The following MARCHF5 variants were observed in gnomAD, a reference collection of about 807,000 sequenced individuals.
The protein encoded by MARCHF5 is E3 ubiquitin-protein ligase MARCHF5.
A neutral mutation model predicts 36.5 loss-of-function variants in MARCHF5; 5 were observed. The observed-to-expected ratio is 0.14, with a 90% CI of 0.07 to 0.29. MARCHF5 has a LOEUF of 0.29. MARCHF5 is among the 10% of genes least tolerant of loss of function. The pLI, the probability that MARCHF5 is intolerant of heterozygous loss-of-function variation, is 1.00. For missense variants in MARCHF5, 179 were observed against 336.3 expected (o/e 0.53, Z 3.66); for synonymous variants, 103 against 109.9 (o/e 0.94, Z 0.39).
At chr10:92,294,400 C>G (rs181314553) in intron 1 of MARCHF5, among the ~76,000 whole-genome samples, 11 of 152,290 alleles carry the variant, frequency 7.2e-5, no homozygotes, top group Admixed American at 5.2e-4. Flanking sequence ...GCACTTAAGA[C>G]TAATGTAAAC....
chr10:92,349,327 AT>A (rs747355836), intron 3 of MARCHF5, 21 bp from the exon 4 acceptor site: 1 of 1,542,230 alleles, frequency 6.5e-7, no homozygotes, highest in Non-Finnish European at 8.8e-7. Context: ...AGTAATTCTA[AT>A]ATATGCTATC....
chr10:92,305,690 A>G lies in MARCHF5; in HGVS notation c.36-5445A>G, dbSNP rs866044360. On this transcript the variant is annotated intron_variant, in intron 1 of 5. Coordinates refer to ENST00000358935, the MANE Select transcript of MARCHF5 (RefSeq NM_017824.5). The stretch of plus-strand genomic sequence containing the variant: ...AGAGGAAAAATAGATGTAAGGAGAA[A>G]CTCTTAGTTTGGTCAGAAATTACAA... Among the ~76,000 whole-genome samples the G allele has an allele frequency of 5.3e-5, 8 of 151,886 alleles. 1 individual carries two copies. Among genetic ancestry groups the G allele is most frequent in the African/African-American group, 1.9e-4 (8 of 41,324 alleles).
intron 2 of MARCHF5, among the ~76,000 whole-genome samples, chr10:92,325,316 C>T (rs904576072): frequency 6.6e-6 from 1 of 152,182 alleles, no homozygotes; most frequent in Admixed American, 6.5e-5. Context: ...GCACTCCAGC[C>T]TGGGCAACAG....
Position 92,351,202 on chromosome 10 carries a change from G to A in MARCHF5, c.832G>A (p.Ala278Thr), listed in dbSNP as rs111817593. 16 of 1,587,748 alleles carry A rather than the reference G, an allele frequency of 1.0e-5. No homozygotes were observed. The highest frequency in any genetic ancestry group is 1.0e-4 in the South Asian group (9 of 89,348). Residue 278 changes from alanine (A) to threonine (T), a missense_variant, in exon 6 of 6, where the codon GCA becomes ACA. Transcript: ENST00000358935. Reference protein sequence around the residue: ...KILNYPEQEEA With the variant: ...KILNYPEQEET Reference sequence around the variant, plus strand: ...TCTGAATTATCCAGAACAAGAAGAAGCATAAAACTGACTTCTGGTTGTTCT... The same window carrying A: ...TCTGAATTATCCAGAACAAGAAGAAACATAAAACTGACTTCTGGTTGTTCT...
At chr10:92,335,331 T>G (rs1020632215) in intron 2 of MARCHF5, among the ~76,000 whole-genome samples, 1 of 152,178 alleles carries the variant, frequency 6.6e-6, no homozygotes, top group Admixed American at 6.6e-5. Context: ...GAGTATGAAT[T>G]AGAGACTGTC....
intron 5 of MARCHF5, 200 bp downstream of exon 5, chr10:92,350,037 C>T (rs536410548): frequency 1.1e-4 from 60 of 544,038 alleles, no homozygotes; most frequent in South Asian, 5.6e-4. Context: ...CCTTTTGGAA[C>T]TATGTTGTAG....
At chr10:92,303,800 A>G (rs1368482892) in intron 1 of MARCHF5, among the ~76,000 whole-genome samples, 4 of 152,206 alleles carry the variant, frequency 2.6e-5, no homozygotes, top group Admixed American at 2.6e-4. Flanking sequence ...TACCCATACC[A>G]GTAAGACTAT....
chr10:92,331,846 C>CATATATAATCATATATATGTTTTT (rs1843438486), intron 2 of MARCHF5, among the ~76,000 whole-genome samples: 1 of 146,544 alleles, frequency 6.8e-6, no homozygotes, highest in African/African-American at 2.5e-5. Flanking sequence ...TATATATTTT[C>CATATATAATCATATATATGTTTTT]ATATATAATC....
chr10:92,348,922 C>A (rs1254563706), intron 3 of MARCHF5, among the ~76,000 whole-genome samples: 1 of 152,202 alleles, frequency 6.6e-6, no homozygotes, highest in Non-Finnish European at 1.5e-5. Context: ...GAAGGCCGGT[C>A]CTACCTCTTG....
chr10:92,349,643 A>C (rs1278121561), intron 4 of MARCHF5, 28 bp from the exon 5 acceptor site: 11 of 1,608,814 alleles, frequency 6.8e-6, no homozygotes, highest in Non-Finnish European at 9.3e-6. Context: ...ATTTATTAGC[A>C]CTAACGCACT....
chr10:92,307,789 C>T (rs1843093827), intron 1 of MARCHF5, among the ~76,000 whole-genome samples: 1 of 151,918 alleles, frequency 6.6e-6, no homozygotes, highest in Non-Finnish European at 1.5e-5. Context: ...GCATGAGAAT[C>T]GCTTGAACCG....
chr10:92,342,240 C>G (rs556441763), intron 3 of MARCHF5, among the ~76,000 whole-genome samples: 41 of 152,040 alleles, frequency 2.7e-4, no homozygotes, highest in Middle Eastern at 6.8e-3. Flanking sequence ...AGCCTTACTC[C>G]TGGGCTCAAA....
At chr10:92,348,181 G>A (rs1258847503) in intron 3 of MARCHF5, among the ~76,000 whole-genome samples, 25 of 100,420 alleles carry the variant, frequency 2.5e-4, no homozygotes, top group Admixed American at 1.9e-3. Flanking sequence ...AAAAAATTCC[G>A]TCTCAAAAAA....
At chr10:92,340,904 A>G (rs1843570570) in intron 3 of MARCHF5, 101 bp downstream of exon 3, 1 of 1,065,880 alleles carries the variant, frequency 9.4e-7, no homozygotes, top group African/African-American at 1.6e-5. Flanking sequence ...ATAAGAAATA[A>G]CATTCTCATG....
chr10:92,340,939 A>T, intron 3 of MARCHF5, 136 bp downstream of exon 3: 2 of 777,516 alleles, frequency 2.6e-6, no homozygotes, highest in Non-Finnish European at 3.8e-6. Context: ...TATTTCCCCT[A>T]CTTTTTCTTT....
chr10:92,349,247 A>G, intron 3 of MARCHF5, 102 bp from the exon 4 acceptor site: 3 of 844,388 alleles, frequency 3.6e-6, no homozygotes, highest in South Asian at 4.4e-5. Context: ...ATTTCTGTGT[A>G]TTCTTTTGAA....
chr10:92,320,686 C>T (rs556323745), intron 2 of MARCHF5, among the ~76,000 whole-genome samples: 57 of 151,896 alleles, frequency 3.8e-4, no homozygotes, highest in Non-Finnish European at 7.8e-4. Flanking sequence ...AAAAATTTTT[C>T]GCACAACTGT....
At chr10:92,348,185 C>CAA (rs58496139) in intron 3 of MARCHF5, among the ~76,000 whole-genome samples, 28 of 121,328 alleles carry the variant, frequency 2.3e-4, no homozygotes, top group African/African-American at 9.2e-4. Context: ...AATTCCGTCT[C>CAA]AAAAAAAAAA....
chr10:92,349,592 A>C (rs963377624), intron 4 of MARCHF5, 60 bp downstream of exon 4: 1 of 1,594,696 alleles, frequency 6.3e-7, no homozygotes, highest in East Asian at 2.2e-5. Context: ...GAACAATAAC[A>C]TGCTTTTTTA....
Sources: allele counts gnomAD v4.1 joint callset (sites outside exome capture counted in the v4.1 genomes callset), GRCh38; gene constraint gnomAD v4.1.1; transcripts MANE v1.5; gene names NCBI Gene and HGNC (gene_info 2026-07-23, HGNC 2026-07-21).